Variants in ANKS6 observed in about 807,000 individuals in gnomAD.
ANKS6 encodes ankyrin repeat and sterile alpha motif domain containing 6, also known as ankyrin repeat and SAM domain-containing protein 6.
ANKS6 carries 47 observed loss-of-function variants against 77.9 expected under a neutral mutation model. The observed-to-expected ratio is 0.60, with a 90% CI of 0.48 to 0.77. The LOEUF (loss-of-function observed/expected upper bound fraction) is 0.77, where lower values mean the gene tolerates loss of function less well. ANKS6 is among the 30% of genes least tolerant of loss of function. The pLI, the probability that ANKS6 is intolerant of heterozygous loss-of-function variation, is 0.00. For missense variants in ANKS6, 1,150 were observed against 1,159.1 expected (o/e 0.99, Z 0.11); for synonymous variants, 488 against 501.7 (o/e 0.97, Z 0.37).
chr9:98,783,306 G>C (rs866029867), intron 4 of ANKS6, among the ~76,000 whole-genome samples: 5 of 152,134 alleles, frequency 3.3e-5, no homozygotes, highest in Admixed American at 6.5e-5. Flanking sequence ...CATCGAATAA[G>C]AAAACAAACT....
rs749499336 is a variant in ANKS6 at position 98,739,758 on chromosome 9, AT to A, written c.2512-3136del. Among the ~76,000 whole-genome samples, 121 of 88,832 alleles carry A rather than the reference AT, an allele frequency of 1.4e-3. 2 individuals are homozygous for A. Among genetic ancestry groups the A allele is most frequent in the Non-Finnish European group, 1.1e-3 (54 of 48,388 alleles). The allele number at this position is 88,832 out of a possible 152,430, so 58.3% of individuals were successfully genotyped here. On this transcript the variant is annotated intron_variant, in intron 14 of 14. Transcript: ENST00000353234. Reference sequence around the variant, plus strand: ...CTCAGAGGGCAGCAGTGGATTAAACATTTTTTTTTTTTTTTTGAGACGGAGT... The same window carrying A: ...CTCAGAGGGCAGCAGTGGATTAAACATTTTTTTTTTTTTTTGAGACGGAGT...
rs376656982 is a variant in ANKS6 at position 98,784,861 on chromosome 9, C to G, written c.878G>C (p.Arg293Pro). The G allele has an allele frequency of 1.2e-6, 2 of 1,613,416 alleles. No homozygotes were observed. The highest frequency in any genetic ancestry group is 1.7e-6 in the Non-Finnish European group (2 of 1,179,856). Residue 293 changes from arginine to proline, a missense_variant, in exon 3 of 15, where the codon CGA becomes CCA. Transcript: ENST00000353234. Reference sequence around the variant, plus strand: ...TTTCAATGCATGGAAAATATCAGGTCGCCTTTTCTCCTCATCTGGGTAAAC... The same window carrying G: ...TTTCAATGCATGGAAAATATCAGGTGGCCTTTTCTCCTCATCTGGGTAAAC... ...VRPKTDEEKR[R>P]PDIFHALKMG...
rs544111858 is a variant in ANKS6, at chr9:98,776,310, T to C, written c.1617+1095A>G. Reference sequence around the variant, plus strand: ...CATCTTAGAAATGACACCCCTAATGTTCATTTAGATGGGCACAGGACCACT... The same window carrying C: ...CATCTTAGAAATGACACCCCTAATGCTCATTTAGATGGGCACAGGACCACT... On this transcript the variant is annotated intron_variant, in intron 8 of 14. Coordinates refer to ENST00000353234, the MANE Select transcript of ANKS6 (RefSeq NM_173551.5). Among the ~76,000 whole-genome samples the C allele has an allele frequency of 2.0e-5, 3 of 152,262 alleles. No individual in the cohort carries two copies. The South Asian group carries it at 6.2e-4, about 32-fold the overall frequency.
intron 11 of ANKS6, among the ~76,000 whole-genome samples, chr9:98,766,589 T>C (rs140284028): frequency 2.6e-5 from 4 of 152,274 alleles, no homozygotes; most frequent in African/African-American, 4.8e-5. Flanking sequence ...CTTAATCATA[T>C]AGGACGTATT....
chr9:98,776,592 G>C (rs1274081235), intron 8 of ANKS6, among the ~76,000 whole-genome samples: 1 of 152,032 alleles, frequency 6.6e-6, no homozygotes, highest in Non-Finnish European at 1.5e-5. Context: ...GTAGAGATGA[G>C]GTTTCACCAT....
Position 98,735,143 on chromosome 9 carries a change from C to G in ANKS6, c.*1376G>C. 2 of 985,476 alleles carry G rather than the reference C, an allele frequency of 2.0e-6. No individual in the cohort carries two copies. The highest frequency in any genetic ancestry group is 2.4e-6 in the Non-Finnish European group (2 of 829,966). The allele number at this position is 985,476 out of a possible 1,614,324, so 61.0% of individuals were successfully genotyped here. On this transcript the variant is annotated 3_prime_UTR_variant, in exon 15 of 15. Transcript: ENST00000353234. ...CAGCCTACCATCGACTGGGTACTTC[C>G]TGCAGACCCAGCACTTTGGGCATAC...
intron 12 of ANKS6, among the ~76,000 whole-genome samples, chr9:98,753,538 TG>T (rs1832539270): frequency 6.6e-6 from 1 of 151,850 alleles, no homozygotes; most frequent in African/African-American, 2.4e-5. Flanking sequence ...CCGGATTGCT[TG>T]AGACCAGGGA....
rs1433398262 is a variant in ANKS6, at chr9:98,756,612, C to T, written c.2143-9G>A. The T allele has an allele frequency of 2.0e-6, 3 of 1,499,634 alleles. No homozygotes were observed. The highest frequency in any genetic ancestry group is 4.9e-5 in the East Asian group (2 of 40,886). 92.9% of individuals were successfully genotyped at this position (1,499,634 alleles called of 1,614,324 possible). A position where few individuals can be genotyped will look rare whatever the true frequency, so the allele number is the denominator to read the frequency against. On this transcript the variant is annotated splice_polypyrimidine_tract_variant and intron_variant, in intron 11 of 14. Transcript: ENST00000353234. Reference sequence around the variant, plus strand: ...TTGCTGGTCTCCAATTTCTGCTGAACAGAGTAAGACAAATACATAAGCCAT... The same window carrying T: ...TTGCTGGTCTCCAATTTCTGCTGAATAGAGTAAGACAAATACATAAGCCAT...
At chr9:98,749,870 T>A (rs750426011) in intron 13 of ANKS6, among the ~76,000 whole-genome samples, 7 of 152,194 alleles carry the variant, frequency 4.6e-5, no homozygotes, top group Non-Finnish European at 7.4e-5. Context: ...GTGATTCTCA[T>A]GATTGCTCTG....
At chr9:98,793,880 G>A (rs1341596602) in intron 1 of ANKS6, among the ~76,000 whole-genome samples, 3 of 149,448 alleles carry the variant, frequency 2.0e-5, no homozygotes, top group East Asian at 2.0e-4. Flanking sequence ...GCCCCAGCGC[G>A]GTGGCTCACG....
At chr9:98,770,780 G>T in intron 10 of ANKS6, 116 bp downstream of exon 10, 1 of 1,089,432 alleles carries the variant, frequency 9.2e-7, no homozygotes. Flanking sequence ...TAAGGAGAAA[G>T]TGCCTCTTGC....
chr9:98,752,639 T>C (rs1832494178), intron 12 of ANKS6, among the ~76,000 whole-genome samples: 1 of 152,162 alleles, frequency 6.6e-6, no homozygotes, highest in Non-Finnish European at 1.5e-5. Context: ...ATGAGGTAGA[T>C]CCTATTACTG....
chr9:98,759,832 G>A lies in ANKS6; in HGVS notation c.2143-3229C>T, dbSNP rs550625070. On this transcript the variant is annotated intron_variant, in intron 11 of 14. Transcript: ENST00000353234. The stretch of plus-strand genomic sequence containing the variant: ...AAAAGTAGAACAGAGGATACTAGAA[G>A]GTGGGAAGGGAGAGACAGGAAGAGA... Among the ~76,000 whole-genome samples, 172 of 152,262 alleles carry A rather than the reference G, an allele frequency of 1.1e-3. 4 individuals carry two copies. In the South Asian group the frequency reaches 0.036, roughly 32 times the overall value.
At position 98,735,327 on chromosome 9, in the gene ANKS6, T is replaced by C; in HGVS notation, c.*1192A>G. On this transcript the variant is annotated 3_prime_UTR_variant, in exon 15 of 15. Coordinates refer to ENST00000353234, the MANE Select transcript of ANKS6 (RefSeq NM_173551.5). ...CTGTCGAGAGCCTGAAGGCTCTGTA[T>C]TGTGTCTGCACACTTGGCACCTGGT... The C allele has an allele frequency of 9.8e-7, 1 of 1,020,912 alleles. No homozygotes were observed. The highest frequency in any genetic ancestry group is 1.2e-6 in the Non-Finnish European group (1 of 853,996). 63.2% of individuals were successfully genotyped at this position (1,020,912 alleles called of 1,614,324 possible).
rs373259276 is a variant in ANKS6 at position 98,780,275 on chromosome 9, G to T, written c.1282C>A (p.Pro428Thr). ...TGGGGCAGGGGAGGCTGGTGGCTCG[G>T]CCGGCCTTTGTCTTTATTCACCTGC... is the stretch of plus-strand genomic sequence containing the variant. ...CMQVNKDKGR[P>T]SHQPPLPHSK... Residue 428 changes from proline to threonine, a missense_variant, in exon 6 of 15, where the codon CCG (proline) becomes ACG (threonine). Physicochemically the swap from Pro to Thr is conservative, Grantham distance 38. Transcript: ENST00000353234. The T allele has an allele frequency of 1.9e-6, 3 of 1,611,762 alleles. No individual in the cohort carries two copies. The East Asian group carries it at 6.7e-5, about 36-fold the overall frequency.
chr9:98,784,717 T>A (rs1433435040), intron 3 of ANKS6, 115 bp downstream of exon 3: 10 of 975,216 alleles, frequency 1.0e-5, no homozygotes, highest in Non-Finnish European at 1.6e-5. Flanking sequence ...AACACCAAAA[T>A]GCCTGTTTCT....
rs528848374 is a variant in ANKS6, at chr9:98,751,032, T to C, written c.2391A>G (p.Gln797=). Residue 797 remains glutamine (Q), a synonymous_variant, in exon 13 of 15, where the codon CAA becomes CAG. Coordinates refer to ENST00000353234, the MANE Select transcript of ANKS6 (RefSeq NM_173551.5). ...LEKYQPIFEE[Q]EVDMEAFLTL... ...CATTCAAAAAGAGCATTCTTACCTC[T>C]TGTTCCTCAAAAATGGGCTGATATT... 8 of 1,608,182 alleles carry C rather than the reference T, an allele frequency of 5.0e-6. No homozygotes were observed. Among genetic ancestry groups the C allele is most frequent in the South Asian group, 3.4e-5 (3 of 89,484 alleles).
chr9:98,744,918 C>G (rs1278303616), intron 14 of ANKS6, among the ~76,000 whole-genome samples: 1 of 151,938 alleles, frequency 6.6e-6, no homozygotes, highest in East Asian at 1.9e-4. Flanking sequence ...AAAGGAGTTC[C>G]AATAGCCCAA....
At chr9:98,781,141 C>A (rs764558155) in intron 5 of ANKS6, among the ~76,000 whole-genome samples, 2 of 152,132 alleles carry the variant, frequency 1.3e-5, no homozygotes, top group Admixed American at 1.3e-4. Context: ...CTCAAGTGAT[C>A]GACCCACCTC....
Sources: gnomAD v4.1 joint callset for allele counts (sites outside exome capture counted in the v4.1 genomes callset) on GRCh38, gnomAD v4.1.1 for gene constraint, MANE v1.5 for transcripts, NCBI Gene and HGNC (gene_info 2026-07-23, HGNC 2026-07-21) for gene names.